The following ERCC4 variants were observed in gnomAD, a reference collection of about 807,000 sequenced individuals.
ERCC4 encodes the protein DNA repair endonuclease XPF.
ERCC4 carries 65 observed loss-of-function variants against 76.9 expected under a neutral mutation model. The observed-to-expected ratio is 0.84, with a 90% confidence interval of 0.69 to 1.04. The LOEUF (loss-of-function observed/expected upper bound fraction) is 1.04. ERCC4 is among the 50% of genes least tolerant of loss of function. The pLI, the probability that ERCC4 is intolerant of heterozygous loss-of-function variation, is 0.00. For missense variants in ERCC4, 1,214 were observed against 1,128.2 expected, an observed-to-expected ratio of 1.08 and a Z score of -1.09; for synonymous variants, 463 against 410.1, an observed-to-expected ratio of 1.13 and a Z score of -1.56.
intron 9 of ERCC4, among the ~76,000 whole-genome samples, chr16:13,941,033 CT>C (rs1200644556): frequency 2.0e-5 from 3 of 152,174 alleles, no homozygotes; most frequent in Non-Finnish European, 4.4e-5. Context: ...GAAAAGAGCA[CT>C]TTTAGTAGAT....
At chr16:13,936,503 C>T (rs3136155) in intron 8 of ERCC4, among the ~76,000 whole-genome samples, 62,063 of 152,050 alleles carry the variant, frequency 0.41, 14,481 homozygotes, top group African/African-American at 0.64. Flanking sequence ...TTTTTTGTAC[C>T]GTGCTGTTGA....
rs1342922098 is a variant in ERCC4, at chr16:13,932,300, TAA to T, written c.1102+16_1102+17del. On this transcript the variant is annotated intron_variant, in intron 6 of 10. Coordinates refer to ENST00000311895, the MANE Select transcript of ERCC4 (RefSeq NM_005236.3). ...AGAAGGGGAAGGTATCTTGTGGGGT[TAA>T]GTCTTTAAATGTGTTTTTTATTTCG... The T allele has an allele frequency of 1.2e-6, 2 of 1,605,144 alleles. No individual in the cohort carries two copies. The highest frequency in any genetic ancestry group is 1.7e-6 in the Non-Finnish European group (2 of 1,173,624).
chr16:13,933,551 A>T (rs766107087), intron 6 of ERCC4: 2 of 152,606 alleles, frequency 1.3e-5, no homozygotes, highest in African/African-American at 4.8e-5. Context: ...TCTACTAAAA[A>T]TACAAAATTA....
At chr16:13,944,417 A>G (rs142888763) in intron 9 of ERCC4, among the ~76,000 whole-genome samples, 1 of 152,168 alleles carries the variant, frequency 6.6e-6, no homozygotes, top group East Asian at 1.9e-4. Flanking sequence ...TACATGTGGC[A>G]TTTTTTGACA....
chr16:13,931,037 T>C, intron 5 of ERCC4, 147 bp downstream of exon 5: 1 of 670,548 alleles, frequency 1.5e-6, no homozygotes, highest in Non-Finnish European at 2.7e-6. Flanking sequence ...AGCACAAAGA[T>C]GTAGGTTTTA....
chr16:13,926,040 C>T (rs1040834781), intron 2 of ERCC4, among the ~76,000 whole-genome samples: 9 of 152,270 alleles, frequency 5.9e-5, no homozygotes, highest in Non-Finnish European at 1.0e-4. Context: ...AAATTGAATT[C>T]ATCTCATAGG....
rs1472669387 is a variant in ERCC4, at chr16:13,934,295, T to C, written c.1206T>C (p.Gly402=). The C allele has an allele frequency of 6.2e-7, 1 of 1,606,232 alleles. No homozygotes were observed. The highest frequency in any genetic ancestry group is 1.1e-5 in the South Asian group (1 of 90,902). The part of the protein sequence containing the change: ...EAENKESEAL[G]GPGQVLICAS... The stretch of plus-strand genomic sequence containing the variant: ...AAAATAAGGAGAGTGAAGCTCTTGG[T>C]GGTCCAGGTAGGAAAAAAGGAGATG... The change falls in exon 7 of 11, where the codon GGT becomes GGC. Residue 402 remains glycine (G), a synonymous_variant. Coordinates refer to ENST00000311895, the MANE Select transcript of ERCC4 (RefSeq NM_005236.3).
At chr16:13,927,557 CAA>C (rs527349868) in intron 3 of ERCC4, 257 of 52,082 alleles carry the variant, frequency 4.9e-3, no homozygotes, top group South Asian at 8.3e-3. Flanking sequence ...AACTCCATCT[CAA>C]AAAAAAAAAA....
chr16:13,924,189 C>G (rs1596619357), intron 2 of ERCC4, among the ~76,000 whole-genome samples: 3 of 152,204 alleles, frequency 2.0e-5, no homozygotes, highest in African/African-American at 4.8e-5. Context: ...TGCAGGTAAC[C>G]CTCTGGAAAG....
At chr16:13,931,876 A>G (rs1455579257) in intron 5 of ERCC4, 2 of 389,128 alleles carry the variant, frequency 5.1e-6, no homozygotes, top group African/African-American at 4.1e-5. Flanking sequence ...GGAAATGTCA[A>G]CGCAGTGAAA....
At chr16:13,921,594 G>A (rs1390902930) in intron 1 of ERCC4, among the ~76,000 whole-genome samples, 2 of 152,218 alleles carry the variant, frequency 1.3e-5, no homozygotes, top group African/African-American at 2.4e-5. Flanking sequence ...CCAGTGACAT[G>A]AAGTCCCTCT....
intron 3 of ERCC4, 105 bp downstream of exon 3, chr16:13,926,861 A>G (rs2032082956): frequency 1.1e-6 from 1 of 948,848 alleles, no homozygotes; most frequent in South Asian, 1.4e-5. Context: ...TGTAAAATTC[A>G]TTGTAATTTT....
At position 13,932,185 on chromosome 16, in the gene ERCC4, G is replaced by A. The variant is rs1162384254; in HGVS notation, c.1002G>A (p.Ser334=). Residue 334 remains serine, a synonymous_variant, in exon 6 of 11, where the codon TCG becomes TCA. Coordinates refer to ENST00000311895, the MANE Select transcript of ERCC4 (RefSeq NM_005236.3). ...SGWLFLDSST[S]MFINARARVY... is the part of the protein sequence containing the mutation. The stretch of plus-strand genomic sequence containing the variant: ...GGCTGTTTCTTGACTCCAGCACCTC[G>A]ATGTTTATAAATGCTCGAGCAAGGG... The A allele has an allele frequency of 3.7e-6, 6 of 1,613,382 alleles. No individual in the cohort carries two copies. Among genetic ancestry groups the A allele is most frequent in the African/African-American group, 2.7e-5 (2 of 74,878 alleles).
chr16:13,932,586 T>A (rs1011620823), intron 6 of ERCC4: 2 of 475,344 alleles, frequency 4.2e-6, no homozygotes, highest in African/African-American at 4.0e-5. Flanking sequence ...TATATTGATT[T>A]TTTTAGAACT....
At chr16:13,942,980 G>A (rs2141615365) in intron 9 of ERCC4, among the ~76,000 whole-genome samples, 1 of 152,308 alleles carries the variant, frequency 6.6e-6, no homozygotes, top group South Asian at 2.1e-4. Context: ...ATTGCAGAGG[G>A]CTTTTCAGCA....
In ERCC4 at chr16:13,935,582, C is replaced by G. The variant is rs1217460973; in HGVS notation, c.1650C>G (p.Pro550=). 6.2e-7 allele frequency: 1 copy of G among 1,614,132 alleles called. No homozygotes were observed. Among genetic ancestry groups the G allele is most frequent in the Non-Finnish European group, 8.5e-7 (1 of 1,180,020 alleles). Residue 550 remains proline (P), a synonymous_variant, in exon 8 of 11, where the codon CCC becomes CCG. Transcript: ENST00000311895. ...CTGCTTTCGGAATCCTGAAAGAACCCCTCACTATCATCCATCCGCTTCTGG... is the reference window on the plus strand; with the variant it reads ...CTGCTTTCGGAATCCTGAAAGAACCGCTCACTATCATCCATCCGCTTCTGG... The part of the protein sequence containing the change: ...SDAAFGILKE[P]LTIIHPLLGC...
rs1567247992 is a variant in ERCC4, at chr16:13,935,452, AAGG to A, written c.1523_1525del (p.Gly508del). On this transcript the variant is annotated inframe_deletion, in exon 8 of 11. Transcript: ENST00000311895. ...GGAAAACCTGAAGAACTGGAAGAGG[AAGG>A]AGATGTCGAGGAAGGATATCGTCGA... is the stretch of plus-strand genomic sequence containing the variant. 6.2e-7 allele frequency: 1 copy of A among 1,614,174 alleles called. No homozygotes were observed. Among genetic ancestry groups the A allele is most frequent in the Non-Finnish European group, 8.5e-7 (1 of 1,180,032 alleles).
At chr16:13,936,533 A>G (rs1357970019) in intron 8 of ERCC4, among the ~76,000 whole-genome samples, 1 of 152,354 alleles carries the variant, frequency 6.6e-6, no homozygotes, top group East Asian at 1.9e-4. Flanking sequence ...TAGATAGCTT[A>G]TGTACACCAA....
In ERCC4 at chr16:13,950,906, A is replaced by G. The variant is rs1256779560; in HGVS notation, c.*2559A>G. 2.2e-5 allele frequency: 4 copies of G among 185,790 alleles called. No homozygotes were observed. The highest frequency in any genetic ancestry group is 8.0e-5 in the East Asian group (1 of 12,432). 11.5% of individuals were successfully genotyped at this position (185,790 alleles called of 1,614,324 possible). ...CATAAATAACAGTCTTAAAAATTGC[A>G]CTAATACCAGTGCCCCCCTGGCTCT... On this transcript the variant is annotated 3_prime_UTR_variant, in exon 11 of 11. Transcript: ENST00000311895.
Sources: allele counts gnomAD v4.1 joint callset (sites outside exome capture counted in the v4.1 genomes callset), GRCh38; gene constraint gnomAD v4.1.1; transcripts MANE v1.5; gene names NCBI Gene and HGNC (gene_info 2026-07-23, HGNC 2026-07-21).